Variants in ADGRB2 observed in about 807,000 individuals in gnomAD.
ADGRB2 encodes the protein brain-specific angiogenesis inhibitor 2.
In ADGRB2, 47 loss-of-function variants were observed where a neutral mutation model predicts 178.7. That is an observed-to-expected ratio of 0.26 (90% CI 0.21 to 0.34). The LOEUF is 0.34. ADGRB2 is among the 10% of genes least tolerant of loss of function. The pLI is 1.00. For missense variants in ADGRB2, 1,584 were observed against 2,180.8 expected, an observed-to-expected ratio of 0.73 and a Z score of 5.45; for synonymous variants, 870 against 912.4, an observed-to-expected ratio of 0.95 and a Z score of 0.84.
chr1:31,728,118 G>A lies in ADGRB2; in HGVS notation c.4516-37C>T, dbSNP rs945849735. The A allele has an allele frequency of 5.6e-6, 9 of 1,612,768 alleles. No individual in the cohort carries two copies. Among genetic ancestry groups the A allele is most frequent in the African/African-American group, 1.3e-5 (1 of 74,924 alleles). ...GCCACCGGTCAGGCTCCAACCCCAGGGGCCACTGCACCAGGTCAGGCCCTG... is the reference window on the plus strand; with the variant it reads ...GCCACCGGTCAGGCTCCAACCCCAGAGGCCACTGCACCAGGTCAGGCCCTG... On this transcript the variant is annotated intron_variant, in intron 31 of 32. Coordinates refer to ENST00000373658, the MANE Select transcript of ADGRB2 (RefSeq NM_001364857.2). This position sits in a 1 kb window ranked among gnomAD's most constrained non-coding sequence, Gnocchi z 6.7.
At chr1:31,747,010 C>T (rs190757463) in intron 4 of ADGRB2, among the ~76,000 whole-genome samples, 89 of 152,278 alleles carry the variant, frequency 5.8e-4, no homozygotes, top group Non-Finnish European at 1.1e-3. Context: ...CCTGTTAATC[C>T]ACTGCAGTCT....
chr1:31,754,249 G>A lies in ADGRB2; in HGVS notation c.838+1750C>T, dbSNP rs1646722537. 6.6e-6 allele frequency among the ~76,000 whole-genome samples: 1 copy of A among 152,254 alleles called. No individual in the cohort carries two copies. The highest frequency in any genetic ancestry group is 2.1e-4 in the South Asian group (1 of 4,836). ...CTTCCGGCTTCAACCAAGCCCAGCT[G>A]GCTGCTCCTGGCTCTGTGCTCCACA... On this transcript the variant is annotated intron_variant, in intron 4 of 32. Coordinates refer to ENST00000373658, the MANE Select transcript of ADGRB2 (RefSeq NM_001364857.2). The surrounding 1 kb of genome is among the most constrained non-coding windows in gnomAD (Gnocchi z 5.7).
chr1:31,737,608 C>A, intron 19 of ADGRB2, 44 bp downstream of exon 19: 1 of 1,611,316 alleles, frequency 6.2e-7, no homozygotes, highest in African/African-American at 1.3e-5. Flanking sequence ...CCTTCTGCGC[C>A]TGCCCCCCCT....
At position 31,739,546 on chromosome 1, in the gene ADGRB2, G is replaced by A; in HGVS notation, c.2257C>T (p.Arg753Trp). The change falls in exon 15 of 33, where the codon CGG becomes TGG. Residue 753 changes from arginine to tryptophan, a missense_variant. Around this residue, in one of 3 missense-constraint regions of ADGRB2, gnomAD observed 865 missense variants for 1,192.8 expected, o/e 0.73. Transcript: ENST00000373658. ...RGRRGMKDWV[R>W]HSEDRLFLPK... ...AGGAAGAGGCGGTCCTCTGAGTGCCGCACCCAGTCCTTCATGCCCCGGCGG... is the reference window on the plus strand; with the variant it reads ...AGGAAGAGGCGGTCCTCTGAGTGCCACACCCAGTCCTTCATGCCCCGGCGG... 7 of 1,612,956 alleles carry A rather than the reference G, an allele frequency of 4.3e-6. No individual in the cohort carries two copies. The highest frequency in any genetic ancestry group is 5.9e-6 in the Non-Finnish European group (7 of 1,179,878).
chr1:31,755,355 C>T lies in ADGRB2; in HGVS notation c.838+644G>A, dbSNP rs961822774. On this transcript the variant is annotated intron_variant, in intron 4 of 32. Transcript: ENST00000373658. This position sits in a 1 kb window ranked among gnomAD's most constrained non-coding sequence, Gnocchi z 5.1. ...GTCAGCAGGAAGCTCTAGCAGCTGG[C>T]GGCCTCGGTCCCAGAAGACATGGGT... 3.3e-5 allele frequency among the ~76,000 whole-genome samples: 5 copies of T among 152,138 alleles called. No homozygotes were observed. The highest frequency in any genetic ancestry group is 2.0e-4 in the Admixed American group (3 of 15,272).
At chr1:31,751,074 C>A (rs902100845) in intron 4 of ADGRB2, among the ~76,000 whole-genome samples, 2 of 152,138 alleles carry the variant, frequency 1.3e-5, no homozygotes, top group African/African-American at 4.8e-5. Context: ...GAGGATGAGG[C>A]CCCAGTGTCC....
At chr1:31,762,608 C>T (rs1647072539) in intron 1 of ADGRB2, among the ~76,000 whole-genome samples, 1 of 151,634 alleles carries the variant, frequency 6.6e-6, no homozygotes, top group Non-Finnish European at 1.5e-5. Flanking sequence ...GCCCTCCACC[C>T]CACCCCAACC....
intron 4 of ADGRB2, among the ~76,000 whole-genome samples, chr1:31,751,599 C>T (rs930091300): frequency 2.0e-5 from 3 of 152,108 alleles, no homozygotes; most frequent in African/African-American, 4.8e-5. Flanking sequence ...TTAATAACGG[C>T]GCTTTGTTTT....
chr1:31,748,335 G>T (rs554273894), intron 4 of ADGRB2, among the ~76,000 whole-genome samples: 1 of 152,338 alleles, frequency 6.6e-6, no homozygotes, highest in South Asian at 2.1e-4. Flanking sequence ...ACACAGCCAG[G>T]CCCTACACTG....
Position 31,735,135 on chromosome 1 carries a change from T to G in ADGRB2, c.3452+48A>C. 50 of 337,960 alleles carry G rather than the reference T, an allele frequency of 1.5e-4. No homozygotes were observed. Among genetic ancestry groups the G allele is most frequent in the East Asian group, 3.4e-4 (5 of 14,634 alleles). The allele number at this position is 337,960 out of a possible 1,614,324, so 20.9% of individuals were successfully genotyped here. On this transcript the variant is annotated intron_variant, in intron 25 of 32. Transcript: ENST00000373658. This position sits in a 1 kb window ranked among gnomAD's most constrained non-coding sequence, Gnocchi z 6.0. ...CCACCATGGGCACTGCCCCCCCCAA[T>G]TCCTTTGCCCCACCCACCCCCACCG... is the stretch of plus-strand genomic sequence containing the variant.
chr1:31,732,024 A>T, intron 28 of ADGRB2, 91 bp downstream of exon 28: 1 of 1,536,318 alleles, frequency 6.5e-7, no homozygotes, highest in Non-Finnish European at 9.0e-7. Context: ...CAGCAGCCAG[A>T]ACTCCATCAG....
rs1557758690 is a variant in ADGRB2, at chr1:31,740,430, G to A, written c.1906C>T (p.Leu636=). ...CTCAGAATGTCCACAGAGAAGAGCA[G>A]GTCCCCACTATAGTAGGTGCGCCGG... The part of the protein sequence containing the change: ...LARRTYYSGD[L]LFSVDILRNV... The change falls in exon 12 of 33, where the codon CTG becomes TTG. Residue 636 remains leucine (L), a synonymous_variant. Coordinates refer to ENST00000373658, the MANE Select transcript of ADGRB2 (RefSeq NM_001364857.2). This position sits in a 1 kb window ranked among gnomAD's most constrained non-coding sequence, Gnocchi z 5.9. 1 of 1,614,046 alleles carries A rather than the reference G, an allele frequency of 6.2e-7. No individual in the cohort carries two copies. The highest frequency in any genetic ancestry group is 8.5e-7 in the Non-Finnish European group (1 of 1,179,992).
Position 31,727,479 on chromosome 1 carries a change from G to T in ADGRB2, c.4699C>A (p.Arg1567=). ...TCTGTGGGCTCCCAGGCTGCTGCCC[G>T]GTGCAGAGTCAGCCGTTCTCGGGGC... The part of the protein sequence containing the change: ...PKPRERLTLH[R]AAAWEPTEPP... The change falls in exon 33 of 33, where the codon CGG becomes AGG. Residue 1567 remains arginine (R), a synonymous_variant. Coordinates refer to ENST00000373658, the MANE Select transcript of ADGRB2 (RefSeq NM_001364857.2). The surrounding 1 kb of genome is among the most constrained non-coding windows in gnomAD (Gnocchi z 4.4). 1 of 1,594,696 alleles carries T rather than the reference G, an allele frequency of 6.3e-7. No homozygotes were observed. Among genetic ancestry groups the T allele is most frequent in the Non-Finnish European group, 8.5e-7 (1 of 1,174,662 alleles).
At position 31,738,953 on chromosome 1, in the gene ADGRB2, C is replaced by T. The variant is rs757616335; in HGVS notation, c.2496-16G>A. 6.9e-6 allele frequency: 11 copies of T among 1,592,296 alleles called. No individual in the cohort carries two copies. The Middle Eastern group carries it at 5.2e-4, about 75-fold the overall frequency. On this transcript the variant is annotated splice_polypyrimidine_tract_variant and intron_variant, in intron 15 of 32. Coordinates refer to ENST00000373658, the MANE Select transcript of ADGRB2 (RefSeq NM_001364857.2). Reference sequence around the variant, plus strand: ...CAGCGGGGGCCTGCGGGACAGGTACCGAAGTCAGCTCCTGCCAGCGGGTGC... The same window carrying T: ...CAGCGGGGGCCTGCGGGACAGGTACTGAAGTCAGCTCCTGCCAGCGGGTGC...
chr1:31,748,289 G>C (rs991126252), intron 4 of ADGRB2, among the ~76,000 whole-genome samples: 2 of 152,170 alleles, frequency 1.3e-5, no homozygotes, highest in Non-Finnish European at 2.9e-5. Context: ...GGCCTCCTGA[G>C]CTGGGCCAGA....
In ADGRB2 at chr1:31,737,453, C is replaced by T; in HGVS notation, c.2955G>A (p.Val985=). 1 of 1,614,138 alleles carries T rather than the reference C, an allele frequency of 6.2e-7. No individual in the cohort carries two copies. Among genetic ancestry groups the T allele is most frequent in the Non-Finnish European group, 8.5e-7 (1 of 1,180,012 alleles). The change falls in exon 20 of 33, where the codon GTG becomes GTA. Residue 985 remains valine (V), a synonymous_variant. Coordinates refer to ENST00000373658, the MANE Select transcript of ADGRB2 (RefSeq NM_001364857.2). The stretch of plus-strand genomic sequence containing the variant: ...CCTTGCTCAGCACCCGGGACTGGCC[C>T]ACGAGGATCAGGATGTTGGATGCCA... The part of the protein sequence containing the change: ...SILASNILIL[V]GQSRVLSKGV...
rs925558469 is a variant in ADGRB2, at chr1:31,755,421, A to C, written c.838+578T>G. On this transcript the variant is annotated intron_variant, in intron 4 of 32. Transcript: ENST00000373658. The surrounding 1 kb of genome is among the most constrained non-coding windows in gnomAD (Gnocchi z 5.1). Reference sequence around the variant, plus strand: ...GGGACACTGGGAGCTGAGCCAGCCCAGCCCTCCAAGGCAGCCTGGAAGCTC... The same window carrying C: ...GGGACACTGGGAGCTGAGCCAGCCCCGCCCTCCAAGGCAGCCTGGAAGCTC... Among the ~76,000 whole-genome samples the C allele has an allele frequency of 6.6e-6, 1 of 152,142 alleles. No homozygotes were observed. Among genetic ancestry groups the C allele is most frequent in the Admixed American group, 6.5e-5 (1 of 15,276 alleles).
chr1:31,759,329 C>G lies in ADGRB2; in HGVS notation c.-190-1818G>C, dbSNP rs781558756. On this transcript the variant is annotated intron_variant, in intron 1 of 32. Transcript: ENST00000373658. The surrounding 1 kb of genome is among the most constrained non-coding windows in gnomAD (Gnocchi z 4.3). Reference sequence around the variant, plus strand: ...CTCGACTGAGAACACACATGAGTATCTGGCCCTCTGAGGCTCAGCATATGA... The same window carrying G: ...CTCGACTGAGAACACACATGAGTATGTGGCCCTCTGAGGCTCAGCATATGA... 10 of 779,612 alleles carry G rather than the reference C, an allele frequency of 1.3e-5. No individual in the cohort carries two copies. The Admixed American group carries it at 1.7e-4, about 13-fold the overall frequency. 48.3% of individuals were successfully genotyped at this position (779,612 alleles called of 1,614,324 possible).
chr1:31,746,419 T>C (rs1354523575), intron 4 of ADGRB2, among the ~76,000 whole-genome samples: 1 of 151,952 alleles, frequency 6.6e-6, no homozygotes, highest in Non-Finnish European at 1.5e-5. Flanking sequence ...GCGTGCCAGC[T>C]CCTCGATCCC....
Sources: gnomAD v4.1 joint callset for allele counts (sites outside exome capture counted in the v4.1 genomes callset) on GRCh38, gnomAD v4.1.1 for gene constraint, gnomAD v4.1.1 regional missense constraint, Gnocchi (gnomAD v3.1) non-coding constraint, MANE v1.5 for transcripts, NCBI Gene and HGNC (gene_info 2026-07-23, HGNC 2026-07-21) for gene names.